The following RBMS3 variants were observed in gnomAD, a reference collection of about 807,000 sequenced individuals.
The protein encoded by RBMS3 is RNA binding motif single stranded interacting protein 3.
Under a neutral mutation model 66.8 loss-of-function variants are expected in RBMS3, and 27 were observed. That is an observed-to-expected ratio of 0.40 (90% CI 0.30 to 0.56). RBMS3 has a LOEUF of 0.56. RBMS3 is among the 20% of genes least tolerant of loss of function. The pLI, the probability that RBMS3 is intolerant of heterozygous loss-of-function variation, is 0.40. For synonymous variants in RBMS3, 188 were observed against 183.0 expected (o/e 1.03, Z -0.22); for missense variants, 513 against 549.5 (o/e 0.93, Z 0.66).
At chr3:29,400,279 T>C (rs986273839) in intron 1 of RBMS3, among the ~76,000 whole-genome samples, 39 of 152,088 alleles carry the variant, frequency 2.6e-4, no homozygotes, top group African/African-American at 8.4e-4. Flanking sequence ...TACAATATGA[T>C]GAACCTTGAG....
In RBMS3 at chr3:29,762,901, T is replaced by A; in HGVS notation, c.558-9T>A. On this transcript the variant is annotated splice_polypyrimidine_tract_variant and intron_variant, in intron 5 of 14. Coordinates refer to ENST00000383767, the MANE Select transcript of RBMS3 (RefSeq NM_001003793.3). Reference sequence around the variant, plus strand: ...CATATATGACCTCTGGTTTACCTTTTTTTCCCAGAATGGAGTCTACTGAAA... The same window carrying A: ...CATATATGACCTCTGGTTTACCTTTATTTCCCAGAATGGAGTCTACTGAAA... 1 of 1,591,500 alleles carries A rather than the reference T, an allele frequency of 6.3e-7. No homozygotes were observed. The highest frequency in any genetic ancestry group is 8.6e-7 in the Non-Finnish European group (1 of 1,163,824).
At chr3:29,361,090 A>T (rs1437473832) in intron 1 of RBMS3, among the ~76,000 whole-genome samples, 1 of 152,000 alleles carries the variant, frequency 6.6e-6, no homozygotes, top group East Asian at 1.9e-4. Flanking sequence ...TCCTGTCATT[A>T]TGATGTTAGC....
chr3:29,682,580 A>T (rs1394049515), intron 4 of RBMS3, among the ~76,000 whole-genome samples: 1 of 152,200 alleles, frequency 6.6e-6, no homozygotes, highest in Non-Finnish European at 1.5e-5. Context: ...TTTTTGCCAC[A>T]GGCAGGAGTT....
At chr3:29,792,888 G>A (rs1246567507) in intron 6 of RBMS3, among the ~76,000 whole-genome samples, 4 of 152,150 alleles carry the variant, frequency 2.6e-5, no homozygotes, top group African/African-American at 9.7e-5. Flanking sequence ...ACTTTTGGTA[G>A]AGCGTGGACA....
intron 6 of RBMS3, among the ~76,000 whole-genome samples, chr3:29,809,149 T>C (rs1359474995): frequency 2.6e-5 from 4 of 151,786 alleles, no homozygotes; most frequent in Non-Finnish European, 5.9e-5. Flanking sequence ...ATTGTTGTGA[T>C]CTCAGATTTT....
intron 7 of RBMS3, among the ~76,000 whole-genome samples, chr3:29,872,563 G>C (rs575371076): frequency 6.6e-6 from 1 of 152,296 alleles, no homozygotes; most frequent in East Asian, 1.9e-4. Flanking sequence ...AGAAGCTGAA[G>C]CCAAGGGCAA....
intron 3 of RBMS3, among the ~76,000 whole-genome samples, chr3:29,574,856 CACACACAA>C (rs961278995): frequency 2.1e-5 from 3 of 142,028 alleles, no homozygotes; most frequent in Admixed American, 7.1e-5. Flanking sequence ...CACACACACA[CACACACAA>C]GAAAATTAAT....
Position 30,004,132 on chromosome 3 carries a change from AC to A in RBMS3, c.*271del. 3.3e-6 allele frequency: 1 copy of A among 306,804 alleles called. No homozygotes were observed. Among genetic ancestry groups the A allele is most frequent in the African/African-American group, 2.2e-5 (1 of 46,324 alleles). The allele number at this position is 306,804 out of a possible 1,614,324, so 19.0% of individuals were successfully genotyped here. ...GAAGAGGAAAAAAAAACTACAAAAAACAAAACATTGAAGGTTGATATTTTAT... is the reference window on the plus strand; with the variant it reads ...GAAGAGGAAAAAAAAACTACAAAAAAAAAACATTGAAGGTTGATATTTTAT... On this transcript the variant is annotated 3_prime_UTR_variant, in exon 15 of 15. Coordinates refer to ENST00000383767, the MANE Select transcript of RBMS3 (RefSeq NM_001003793.3).
At chr3:29,699,466 G>A (rs561873040) in intron 4 of RBMS3, among the ~76,000 whole-genome samples, 61 of 152,106 alleles carry the variant, frequency 4.0e-4, no homozygotes, top group African/African-American at 1.5e-3. Flanking sequence ...ATTTTCTAAT[G>A]GCTAAAATTC....
chr3:29,431,155 A>C (rs1048686661), intron 1 of RBMS3, among the ~76,000 whole-genome samples: 5 of 152,204 alleles, frequency 3.3e-5, no homozygotes, highest in African/African-American at 1.2e-4. Context: ...AATATATTCT[A>C]TTTAATCCAA....
intron 12 of RBMS3, among the ~76,000 whole-genome samples, chr3:29,953,725 C>T (rs1475442361): frequency 4.0e-5 from 6 of 151,808 alleles, no homozygotes; most frequent in Admixed American, 3.9e-4. Flanking sequence ...TTTCTTTGTC[C>T]TCTGCAAATT....
chr3:29,944,225 A>C lies in RBMS3; in HGVS notation c.1069A>C (p.Ile357Leu). 6.3e-7 allele frequency: 1 copy of C among 1,592,484 alleles called. No homozygotes were observed. The highest frequency in any genetic ancestry group is 8.6e-7 in the Non-Finnish European group (1 of 1,161,162). Residue 357 changes from isoleucine to leucine, a missense_variant, in exon 12 of 15, where the codon ATT becomes CTT. Coordinates refer to ENST00000383767, the MANE Select transcript of RBMS3 (RefSeq NM_001003793.3). ...TTCAAAGATTCAATCCCAAGACAGG[A>C]TTATGATACTCCACCAGCTGTTGTG... ...TTGTIQSQDR[I>L]MILHQLLCQY...
At chr3:29,497,907 A>G (rs964391250) in intron 3 of RBMS3, among the ~76,000 whole-genome samples, 7 of 150,630 alleles carry the variant, frequency 4.6e-5, no homozygotes, top group Admixed American at 3.3e-4. Flanking sequence ...AGGCCTGTAC[A>G]GACAGGAAGA....
intron 3 of RBMS3, among the ~76,000 whole-genome samples, chr3:29,511,595 T>C (rs2044414833): frequency 6.6e-6 from 1 of 152,146 alleles, no homozygotes; most frequent in Non-Finnish European, 1.5e-5. Flanking sequence ...ATGTCTGCTG[T>C]TGGAAATAAA....
intron 5 of RBMS3, among the ~76,000 whole-genome samples, chr3:29,742,996 C>T (rs972581365): frequency 6.6e-6 from 1 of 152,172 alleles, no homozygotes. Flanking sequence ...GTCTGACTAT[C>T]TTTTGAAAGA....
intron 4 of RBMS3, among the ~76,000 whole-genome samples, chr3:29,595,888 A>G (rs1487696691): frequency 6.6e-6 from 1 of 152,178 alleles, no homozygotes. Flanking sequence ...ACTTCTTATG[A>G]TACTAGGAGG....
intron 10 of RBMS3, among the ~76,000 whole-genome samples, chr3:29,900,613 G>A (rs1577099340): frequency 6.6e-6 from 1 of 151,666 alleles, no homozygotes. Context: ...CCCTAGACTG[G>A]AAGTTGTGTG....
intron 6 of RBMS3, among the ~76,000 whole-genome samples, chr3:29,770,824 G>C (rs1214484760): frequency 2.0e-5 from 3 of 151,936 alleles, no homozygotes; most frequent in African/African-American, 7.2e-5. Context: ...ACAAGCCAGG[G>C]AAACCAAATT....
chr3:29,479,717 A>G (rs2043067054), intron 2 of RBMS3, among the ~76,000 whole-genome samples: 1 of 152,224 alleles, frequency 6.6e-6, no homozygotes. Context: ...CAGATTCTTC[A>G]GGCTCAGTCA....
Sources: allele counts gnomAD v4.1 joint callset (sites outside exome capture counted in the v4.1 genomes callset), GRCh38; gene constraint gnomAD v4.1.1; transcripts MANE v1.5; gene names NCBI Gene and HGNC (gene_info 2026-07-23, HGNC 2026-07-21).